Variants in MED13 observed in about 807,000 individuals in gnomAD.
The protein encoded by MED13 is mediator of RNA polymerase II transcription subunit 13.
In MED13, 23 loss-of-function variants were observed where a neutral mutation model predicts 225.2. The ratio of observed to expected loss-of-function variants is 0.10; its 90% CI spans 0.07 to 0.14. MED13 has a LOEUF of 0.14. Ranked by LOEUF, MED13 falls within the 10% of genes least tolerant of loss-of-function variation. The pLI, the probability that MED13 is intolerant of heterozygous loss-of-function variation, is 1.00. For synonymous variants in MED13, 942 were observed against 889.2 expected (o/e 1.06, Z -1.06); for missense variants, 2,197 against 2,594.5 (o/e 0.85, Z 3.33).
In MED13 at chr17:61,984,762, C is replaced by G. The variant is rs1473467249; in HGVS notation, c.2580G>C (p.Met860Ile). 8.1e-6 allele frequency: 13 copies of G among 1,613,048 alleles called. No homozygotes were observed. The highest frequency in any genetic ancestry group is 9.3e-6 in the Non-Finnish European group (11 of 1,179,182). Residue 860 changes from methionine to isoleucine, a missense_variant, in exon 14 of 30, where the codon ATG (methionine) becomes ATC (isoleucine). Physicochemically the swap from Met to Ile is conservative, Grantham distance 10 (BLOSUM62 1). This residue lies in a region of MED13 where 160 missense variants were observed against 184.8 expected (regional missense o/e 0.87). Coordinates refer to ENST00000397786, the MANE Select transcript of MED13 (RefSeq NM_005121.3). ...GAACAGTTCCTCCAGGTGTTGTATC[C>G]ATACTACCATATTCTTTATTATTCA... ...MNMNNKEYGS[M>I]DTTPGGTVLE... is the part of the protein sequence containing the mutation.
rs565600027 is a variant in MED13 at position 61,944,635 on chromosome 17, A to T, written c.*1833T>A. The stretch of plus-strand genomic sequence containing the variant: ...AAGTTATGTTGTTCATAAGAAAGTG[A>T]TATTTAATTCTAAGCACAGAGTATT... On this transcript the variant is annotated 3_prime_UTR_variant, in exon 30 of 30. Coordinates refer to ENST00000397786, the MANE Select transcript of MED13 (RefSeq NM_005121.3). The T allele has an allele frequency of 1.4e-4, 22 of 152,420 alleles. No individual in the cohort carries two copies. In the East Asian group the frequency reaches 3.9e-3, roughly 27 times the overall value. The allele number at this position is 152,420 out of a possible 1,614,324, so 9.4% of individuals were successfully genotyped here.
At chr17:62,035,736 GA>G (rs1423955862) in intron 3 of MED13, 128 bp from the exon 4 acceptor site, 2 of 799,408 alleles carry the variant, frequency 2.5e-6, no homozygotes, top group South Asian at 2.0e-5. Context: ...TTCATCAGAA[GA>G]AAAAAAATCA....
intron 9 of MED13, among the ~76,000 whole-genome samples, chr17:61,999,585 CCCA>C (rs1304291567): frequency 8.5e-5 from 13 of 152,120 alleles, no homozygotes; most frequent in Non-Finnish European, 1.3e-4. Flanking sequence ...CCTCTCCTTC[CCCA>C]CAAGTAAATT....
intron 8 of MED13, among the ~76,000 whole-genome samples, chr17:62,022,190 T>C (rs1315968340): frequency 4.7e-5 from 7 of 148,562 alleles, no homozygotes; most frequent in East Asian, 3.9e-4. Context: ...TATATATATA[T>C]ATATATTCTT....
rs1290657789 is a variant in MED13, at chr17:62,017,059, TAAAC to T, written c.1284-5830_1284-5827del. ...AAATAAATAAATAAATAAAGTAAAT[TAAAC>T]AAATTTTAAAGATCTTCAGCAAGAG... On this transcript the variant is annotated intron_variant, in intron 8 of 29. Coordinates refer to ENST00000397786, the MANE Select transcript of MED13 (RefSeq NM_005121.3). Among the ~76,000 whole-genome samples the T allele has an allele frequency of 6.0e-5, 9 of 150,744 alleles. No homozygotes were observed. The South Asian group carries it at 1.5e-3, about 24-fold the overall frequency.
chr17:61,973,654 A>AG (rs2080128226), intron 16 of MED13, among the ~76,000 whole-genome samples: 1 of 152,190 alleles, frequency 6.6e-6, no homozygotes, highest in South Asian at 2.1e-4. Flanking sequence ...ACCTTTGCCT[A>AG]GTTTATCGTT....
intron 2 of MED13, among the ~76,000 whole-genome samples, chr17:62,056,846 T>C (rs924165879): frequency 1.3e-5 from 2 of 152,252 alleles, no homozygotes; most frequent in Non-Finnish European, 2.9e-5. Context: ...TACTTTTCTG[T>C]TACTATTAGC....
rs1169155207 is a variant in MED13 at position 61,982,889 on chromosome 17, A to G, written c.3114T>C (p.Asn1038=). 1 of 1,614,144 alleles carries G rather than the reference A, an allele frequency of 6.2e-7. No homozygotes were observed. The highest frequency in any genetic ancestry group is 8.5e-7 in the Non-Finnish European group (1 of 1,180,022). ...TAGAAGCTGGTGAATACAAGTCTGA[A>G]TTTTCATATTTGACTGAACCTTGAG... ...ASAQGSVKYE[N]SDLYSPASTP... Residue 1038 remains asparagine, a synonymous_variant, in exon 16 of 30, where the codon AAT becomes AAC. Coordinates refer to ENST00000397786, the MANE Select transcript of MED13 (RefSeq NM_005121.3).
At chr17:61,970,907 A>G (rs2143400643) in intron 17 of MED13, among the ~76,000 whole-genome samples, 1 of 151,852 alleles carries the variant, frequency 6.6e-6, no homozygotes, top group South Asian at 2.1e-4. Flanking sequence ...CACCTGTAGT[A>G]CCAGCTACTT....
chr17:62,034,098 G>C lies in MED13; in HGVS notation c.617-114C>G, dbSNP rs1197552671. 8 of 816,922 alleles carry C rather than the reference G, an allele frequency of 9.8e-6. No homozygotes were observed. In the East Asian group the frequency reaches 1.6e-4, roughly 16 times the overall value. The allele number at this position is 816,922 out of a possible 1,614,324, so 50.6% of individuals were successfully genotyped here. ...AATTATAAAAAAGAAAAGGAAACCA[G>C]TAATAACCATTCCAGAGAAAAATCA... On this transcript the variant is annotated intron_variant, in intron 4 of 29. Coordinates refer to ENST00000397786, the MANE Select transcript of MED13 (RefSeq NM_005121.3).
intron 28 of MED13, 67 bp from the exon 29 acceptor site, chr17:61,947,084 T>C: frequency 9.4e-7 from 1 of 1,069,346 alleles, no homozygotes; most frequent in African/African-American, 1.6e-5. Context: ...AGTTTTACCT[T>C]ATTCTCCCAA....
chr17:61,953,066 C>A lies in MED13; in HGVS notation c.6016G>T (p.Asp2006Tyr). 1.2e-6 allele frequency: 2 copies of A among 1,613,916 alleles called. No homozygotes were observed. The highest frequency in any genetic ancestry group is 1.7e-6 in the Non-Finnish European group (2 of 1,179,850). Residue 2006 changes from aspartate to tyrosine, a missense_variant, in exon 27 of 30, where the codon GAT (aspartate) becomes TAT (tyrosine). Physicochemically the swap from Asp to Tyr is radical, Grantham distance 160. This residue lies in a region of MED13 where 216 missense variants were observed against 388.9 expected (regional missense o/e 0.56). Transcript: ENST00000397786. ...GIFDLLDTGD[D>Y]LDPDIINILP... The stretch of plus-strand genomic sequence containing the variant: ...ATATTAATGATATCAGGGTCAAGAT[C>A]ATCTCCTGTGTCTAACAAATCAAAG...
rs763558439 is a variant in MED13, at chr17:61,955,534, C to T, written c.5816G>A (p.Ser1939Asn). The T allele has an allele frequency of 6.4e-7, 1 of 1,573,978 alleles. No individual in the cohort carries two copies. The highest frequency in any genetic ancestry group is 1.2e-5 in the South Asian group (1 of 83,442). Residue 1939 changes from serine to asparagine, a missense_variant, in exon 26 of 30, where the codon AGC becomes AAC. Transcript: ENST00000397786. ...AGATGTCTGCATATTTAGAGTCGTGCTTCTTCCAAATACAGAACCAGTTGA... is the reference window on the plus strand; with the variant it reads ...AGATGTCTGCATATTTAGAGTCGTGTTTCTTCCAAATACAGAACCAGTTGA... ...SVSTGSVFGRSTTLNMQTSQL... is the reference protein window; with the variant it reads ...SVSTGSVFGRNTTLNMQTSQL...
At chr17:61,951,031 C>T (rs1385696544) in intron 27 of MED13, 33 bp from the exon 28 acceptor site, 2 of 1,557,988 alleles carry the variant, frequency 1.3e-6, no homozygotes, top group Non-Finnish European at 1.8e-6. Flanking sequence ...TATATTAGTT[C>T]ACTCAGTGTA....
intron 4 of MED13, 73 bp downstream of exon 4, chr17:62,035,390 A>T: frequency 1.6e-6 from 2 of 1,275,092 alleles, no homozygotes; most frequent in Non-Finnish European, 2.1e-6. Flanking sequence ...TCAATCCCCA[A>T]ATGTAAAATT....
At chr17:62,032,875 C>T (rs1567991010) in intron 5 of MED13, among the ~76,000 whole-genome samples, 1 of 152,096 alleles carries the variant, frequency 6.6e-6, no homozygotes, top group Admixed American at 6.5e-5. Flanking sequence ...TTAGGCTGGG[C>T]ACGGTGGCTC....
intron 3 of MED13, among the ~76,000 whole-genome samples, chr17:62,044,865 T>C (rs2080885400): frequency 6.6e-6 from 1 of 152,248 alleles, no homozygotes; most frequent in Non-Finnish European, 1.5e-5. Flanking sequence ...TTTCACCATG[T>C]TGGCCAGGCT....
chr17:61,972,972 T>C (rs542523574), intron 16 of MED13, 84 bp from the exon 17 acceptor site: 10 of 1,170,044 alleles, frequency 8.5e-6, no homozygotes, highest in East Asian at 2.4e-5. Flanking sequence ...AAAACACATA[T>C]AGGGAAGTTC....
rs549143479 is a variant in MED13 at position 61,951,975 on chromosome 17, G to A, written c.6118-977C>T. 5.3e-5 allele frequency among the ~76,000 whole-genome samples: 8 copies of A among 152,154 alleles called. No individual in the cohort carries two copies. The East Asian group carries it at 1.5e-3, about 29-fold the overall frequency. On this transcript the variant is annotated intron_variant, in intron 27 of 29. Coordinates refer to ENST00000397786, the MANE Select transcript of MED13 (RefSeq NM_005121.3). ...TGCAGTGGTGCGATCTCGGCTCACTGCAAGCTCCACCTCCCGGGTTCACAC... is the reference window on the plus strand; with the variant it reads ...TGCAGTGGTGCGATCTCGGCTCACTACAAGCTCCACCTCCCGGGTTCACAC...
Sources: gnomAD v4.1 joint callset for allele counts (sites outside exome capture counted in the v4.1 genomes callset) on GRCh38, gnomAD v4.1.1 for gene constraint, gnomAD v4.1.1 regional missense constraint, MANE v1.5 for transcripts, NCBI Gene and HGNC (gene_info 2026-07-23, HGNC 2026-07-21) for gene names.